Variants in PKHD1 observed in about 807,000 individuals in gnomAD.
The protein encoded by PKHD1 is fibrocystin.
In PKHD1, 291 loss-of-function variants were observed where a neutral mutation model predicts 412.0. The observed-to-expected ratio is 0.71, with a 90% CI of 0.64 to 0.78. The LOEUF is 0.78. PKHD1 is among the 30% of genes least tolerant of loss of function. PKHD1 has a pLI of 0.00. For missense variants in PKHD1, 4,825 were observed against 4,950.7 expected (o/e 0.97, Z 0.76); for synonymous variants, 1,777 against 1,821.5 (o/e 0.98, Z 0.62).
intron 35 of PKHD1, among the ~76,000 whole-genome samples, chr6:52,009,404 T>C (rs763978333): frequency 1.3e-5 from 2 of 152,230 alleles, no homozygotes; most frequent in Non-Finnish European, 2.9e-5. Flanking sequence ...AGCTGACTTT[T>C]GGATTAGGAC....
Position 52,024,393 on chromosome 6 carries a change from A to G in PKHD1, c.5236+181T>C, listed in dbSNP as rs556084757. Among the ~76,000 whole-genome samples the G allele has an allele frequency of 5.9e-5, 9 of 152,356 alleles. No individual in the cohort carries two copies. In the East Asian group the frequency reaches 1.5e-3, roughly 26 times the overall value. On this transcript the variant is annotated intron_variant, in intron 32 of 66. Transcript: ENST00000371117. The stretch of plus-strand genomic sequence containing the variant: ...AGTTTCCTTGATAAAAATAAAAAAA[A>G]TCTTCATAAACAGAGCATAACAAAG...
chr6:52,003,161 T>C (rs1337442290), intron 35 of PKHD1, among the ~76,000 whole-genome samples: 1 of 152,176 alleles, frequency 6.6e-6, no homozygotes, highest in African/African-American at 2.4e-5. Context: ...AAAAGGAGAA[T>C]CTTCCTAAGG....
intron 53 of PKHD1, among the ~76,000 whole-genome samples, chr6:51,776,605 T>C (rs1474495751): frequency 1.3e-5 from 2 of 152,042 alleles, no homozygotes; most frequent in Non-Finnish European, 2.9e-5. Context: ...GTCAGTATAA[T>C]TATTATCCCA....
At chr6:51,974,264 T>A (rs964062859) in intron 35 of PKHD1, among the ~76,000 whole-genome samples, 2 of 152,324 alleles carry the variant, frequency 1.3e-5, no homozygotes, top group African/African-American at 4.8e-5. Flanking sequence ...AAACATTTTT[T>A]AATCAATCAC....
chr6:51,899,837 A>C (rs1183435867), intron 43 of PKHD1, among the ~76,000 whole-genome samples: 3 of 152,216 alleles, frequency 2.0e-5, no homozygotes, highest in African/African-American at 7.2e-5. Flanking sequence ...TACAATATCA[A>C]TGTACAAAAA....
chr6:51,899,803 A>G (rs1229263619), intron 43 of PKHD1, among the ~76,000 whole-genome samples: 2 of 152,244 alleles, frequency 1.3e-5, no homozygotes, highest in Non-Finnish European at 2.9e-5. Flanking sequence ...TAACCTGATA[A>G]GCAACTTCAG....
intron 36 of PKHD1, among the ~76,000 whole-genome samples, chr6:51,940,869 G>T (rs532548540): frequency 1.3e-5 from 2 of 151,316 alleles, no homozygotes; most frequent in Admixed American, 6.6e-5. Context: ...CCCCAACTCT[G>T]GTGCCATCTT....
chr6:52,076,354 CA>C, intron 5 of PKHD1, 21 bp from the exon 6 acceptor site: 1 of 1,588,446 alleles, frequency 6.3e-7, no homozygotes, highest in South Asian at 1.1e-5. Context: ...AATAGTACCA[CA>C]AGTGAGCATG....
chr6:51,638,635 T>C (rs1447845246), intron 64 of PKHD1, among the ~76,000 whole-genome samples: 1 of 152,084 alleles, frequency 6.6e-6, no homozygotes, highest in Non-Finnish European at 1.5e-5. Context: ...AAATGTACAT[T>C]TGGTTTCTTG....
At chr6:51,970,656 T>C (rs941807170) in intron 35 of PKHD1, among the ~76,000 whole-genome samples, 3 of 152,206 alleles carry the variant, frequency 2.0e-5, no homozygotes, top group African/African-American at 4.8e-5. Flanking sequence ...TCCAGTTTCA[T>C]GTGCCTGCAT....
rs1259816745 is a variant in PKHD1, at chr6:51,670,834, T to C, written c.10157-10865A>G. 1.7e-4 allele frequency among the ~76,000 whole-genome samples: 25 copies of C among 151,182 alleles called. No individual in the cohort carries two copies. The East Asian group carries it at 4.1e-3, about 25-fold the overall frequency. ...CTTAGTTTGGCTGGATATGAAATTC[T>C]GGGTTGAAAATTCTTTTCTTTAAGA... On this transcript the variant is annotated intron_variant, in intron 60 of 66. Transcript: ENST00000371117.
At chr6:51,798,515 T>C (rs1794936871) in intron 52 of PKHD1, among the ~76,000 whole-genome samples, 1 of 152,162 alleles carries the variant, frequency 6.6e-6, no homozygotes, top group Admixed American at 6.5e-5. Context: ...ATGGGCTTCC[T>C]TTTGTAGGTC....
intron 48 of PKHD1, among the ~76,000 whole-genome samples, chr6:51,864,310 C>T (rs9382041): frequency 0.41 from 61,531 of 151,886 alleles, 13,673 homozygotes; most frequent in East Asian, 0.85. Context: ...AAAAGTTTCA[C>T]GCAAGGGAAT....
intron 37 of PKHD1, among the ~76,000 whole-genome samples, chr6:51,933,603 G>A (rs1346365807): frequency 2.6e-5 from 4 of 152,260 alleles, no homozygotes; most frequent in Non-Finnish European, 5.9e-5. Context: ...CATGAGAGCA[G>A]TAGGTCAGCT....
intron 36 of PKHD1, among the ~76,000 whole-genome samples, chr6:51,947,695 C>G (rs1789676191): frequency 6.6e-6 from 1 of 152,156 alleles, no homozygotes; most frequent in South Asian, 2.1e-4. Context: ...CCTCTAAACA[C>G]GTTTCTTATC....
At chr6:51,629,204 T>TA (rs1561985940) in intron 65 of PKHD1, among the ~76,000 whole-genome samples, 2 of 151,548 alleles carry the variant, frequency 1.3e-5, no homozygotes, top group African/African-American at 4.8e-5. Flanking sequence ...AAAACATAAA[T>TA]AAAAAAAGTG....
At chr6:51,713,626 G>A (rs1780904848) in intron 60 of PKHD1, among the ~76,000 whole-genome samples, 1 of 152,138 alleles carries the variant, frequency 6.6e-6, no homozygotes, top group African/African-American at 2.4e-5. Context: ...GACTCCTTTT[G>A]GAGTCAGGCC....
chr6:52,032,032 T>G (rs1031864394), intron 29 of PKHD1, among the ~76,000 whole-genome samples: 1 of 152,142 alleles, frequency 6.6e-6, no homozygotes, highest in Non-Finnish European at 1.5e-5. Flanking sequence ...CCCCCTCCCT[T>G]TTCTACCTCA....
At chr6:52,073,408 G>A (rs561595921) in intron 7 of PKHD1, 55 bp downstream of exon 7, 1 of 1,063,078 alleles carries the variant, frequency 9.4e-7, no homozygotes, top group African/African-American at 1.6e-5. Context: ...CTGGTCCCAG[G>A]AAGCCATGCA....
Sources: gnomAD v4.1 joint callset for allele counts (sites outside exome capture counted in the v4.1 genomes callset) on GRCh38, gnomAD v4.1.1 for gene constraint, MANE v1.5 for transcripts, NCBI Gene and HGNC (gene_info 2026-07-23, HGNC 2026-07-21) for gene names.